CDH20: variants seen among roughly 807,000 people sequenced by gnomAD.
CDH20 encodes the protein cadherin-20.
Under a neutral mutation model 74.2 loss-of-function variants are expected in CDH20, and 29 were observed. The observed-to-expected ratio is 0.39, with a 90% CI of 0.29 to 0.53. The LOEUF (loss-of-function observed/expected upper bound fraction) is 0.53. Among genes scored for constraint, CDH20 ranks in the 20% least tolerant of loss-of-function variants. The pLI, the probability that CDH20 is intolerant of heterozygous loss-of-function variation, is 0.69. For synonymous variants in CDH20, 469 were observed against 405.4 expected, an observed-to-expected ratio of 1.16 and a Z score of -1.88; for missense variants, 988 against 1,048.3, an observed-to-expected ratio of 0.94 and a Z score of 0.79.
intron 1 of CDH20, among the ~76,000 whole-genome samples, chr18:61,448,556 T>C (rs1909275742): frequency 6.6e-6 from 1 of 152,208 alleles, no homozygotes; most frequent in African/African-American, 2.4e-5. Context: ...AGTTGTTATT[T>C]ATTTAATAAT....
intron 1 of CDH20, among the ~76,000 whole-genome samples, chr18:61,475,115 G>T (rs886936041): frequency 1.3e-5 from 2 of 152,146 alleles, no homozygotes; most frequent in African/African-American, 4.8e-5. Context: ...GCAGATAACA[G>T]GATAGATGAG....
intron 1 of CDH20, among the ~76,000 whole-genome samples, chr18:61,475,884 T>C (rs908546656): frequency 6.6e-6 from 1 of 152,166 alleles, no homozygotes; most frequent in Non-Finnish European, 1.5e-5. Context: ...TGACTAAACT[T>C]GTTCTGTTTT....
At chr18:61,378,908 G>A (rs1380760381) in intron 1 of CDH20, among the ~76,000 whole-genome samples, 2 of 151,790 alleles carry the variant, frequency 1.3e-5, no homozygotes, top group African/African-American at 4.8e-5. Flanking sequence ...TTGTTTGCCA[G>A]GAATAGAATA....
intron 8 of CDH20, among the ~76,000 whole-genome samples, chr18:61,537,725 C>A (rs1912859485): frequency 6.6e-6 from 1 of 152,026 alleles, no homozygotes; most frequent in African/African-American, 2.4e-5. Context: ...CTGGAATTTT[C>A]ATTATTCCTT....
At chr18:61,532,783 C>T (rs1375674893) in intron 7 of CDH20, among the ~76,000 whole-genome samples, 1 of 152,126 alleles carries the variant, frequency 6.6e-6, no homozygotes, top group East Asian at 1.9e-4. Flanking sequence ...TCCGTCTCTA[C>T]AACGTTAAGA....
At chr18:61,423,187 C>T (rs1367897094) in intron 1 of CDH20, among the ~76,000 whole-genome samples, 2 of 152,154 alleles carry the variant, frequency 1.3e-5, no homozygotes, top group Non-Finnish European at 2.9e-5. Flanking sequence ...TGGTCAGTAG[C>T]GTCAGATCAG....
At chr18:61,459,055 A>T (rs1909678563) in intron 1 of CDH20, among the ~76,000 whole-genome samples, 1 of 152,200 alleles carries the variant, frequency 6.6e-6, no homozygotes, top group Admixed American at 6.6e-5. Flanking sequence ...TCCTAAGTGG[A>T]ACATTATATC....
Position 61,554,178 on chromosome 18 carries a change from T to C in CDH20, c.1901-12T>C, listed in dbSNP as rs754047385. The C allele has an allele frequency of 3.1e-6, 5 of 1,601,226 alleles. No individual in the cohort carries two copies. The highest frequency in any genetic ancestry group is 2.2e-5 in the East Asian group (1 of 44,618). The stretch of plus-strand genomic sequence containing the variant: ...TCCTCGGTAAACACACTCTCCTTTT[T>C]GTTCCTGGCAGTGCTGGTGTTGCTC... On this transcript the variant is annotated splice_polypyrimidine_tract_variant and intron_variant, in intron 11 of 11. Transcript: ENST00000262717.
rs767575279 is a variant in CDH20, at chr18:61,540,251, G to T, written c.1530+1106G>T. On this transcript the variant is annotated intron_variant, in intron 9 of 11. Coordinates refer to ENST00000262717, the MANE Select transcript of CDH20 (RefSeq NM_031891.4). The stretch of plus-strand genomic sequence containing the variant: ...TGGTGCTGGATCAATGGGCTGGAAT[G>T]GTTTTAACATGAAAGCTGGGGAAGC... Among the ~76,000 whole-genome samples, 76 of 152,176 alleles carry T rather than the reference G, an allele frequency of 5.0e-4. 2 individuals are homozygous for T. The highest frequency in any genetic ancestry group is 1.5e-4 in the Non-Finnish European group (10 of 68,030).
At chr18:61,468,683 C>G (rs1305739632) in intron 1 of CDH20, among the ~76,000 whole-genome samples, 1 of 152,102 alleles carries the variant, frequency 6.6e-6, no homozygotes, top group South Asian at 2.1e-4. Flanking sequence ...CCAGGGAACT[C>G]GCCTTACTGT....
chr18:61,515,594 C>T (rs945228076), intron 6 of CDH20, among the ~76,000 whole-genome samples: 1 of 151,572 alleles, frequency 6.6e-6, no homozygotes, highest in African/African-American at 2.4e-5. Flanking sequence ...GAATACTATG[C>T]AGCCATAAAA....
Position 61,490,526 on chromosome 18 carries a change from C to T in CDH20, c.-28C>T, listed in dbSNP as rs903146581. ...CAAGTTCCAGTTGCTTATCATTCTC[C>T]TTCATTTTCTGAAAACCTGGCAATC... On this transcript the variant is annotated 5_prime_UTR_variant, in exon 2 of 12. Transcript: ENST00000262717. The T allele has an allele frequency of 1.9e-6, 3 of 1,606,734 alleles. No individual in the cohort carries two copies. Among genetic ancestry groups the T allele is most frequent in the Non-Finnish European group, 2.6e-6 (3 of 1,174,176 alleles).
chr18:61,406,434 G>A lies in CDH20; in HGVS notation c.-153+72607G>A, dbSNP rs934139290. Among the ~76,000 whole-genome samples the A allele has an allele frequency of 2.6e-5, 4 of 152,332 alleles. No homozygotes were observed. The East Asian group carries it at 5.8e-4, about 22-fold the overall frequency. The stretch of plus-strand genomic sequence containing the variant: ...GCCAGGCACTGTTCTAGGTATGAAG[G>A]CTTCAGCCATAAACAAGACAGATGG... On this transcript the variant is annotated intron_variant, in intron 1 of 11. Coordinates refer to ENST00000262717, the MANE Select transcript of CDH20 (RefSeq NM_031891.4).
At chr18:61,478,780 C>T (rs1038972932) in intron 1 of CDH20, among the ~76,000 whole-genome samples, 15 of 151,918 alleles carry the variant, frequency 9.9e-5, no homozygotes, top group African/African-American at 2.7e-4. Context: ...CAATAAAGAA[C>T]GGGGGAAGTA....
chr18:61,434,937 G>T (rs183682605), intron 1 of CDH20, among the ~76,000 whole-genome samples: 1 of 152,178 alleles, frequency 6.6e-6, no homozygotes, highest in African/African-American at 2.4e-5. Context: ...AAAACACATA[G>T]TTCCTAGAGT....
At chr18:61,530,701 T>C (rs1364016555) in intron 7 of CDH20, among the ~76,000 whole-genome samples, 1 of 152,210 alleles carries the variant, frequency 6.6e-6, no homozygotes, top group Non-Finnish European at 1.5e-5. Flanking sequence ...AAAGACAATG[T>C]TTGGATCCCC....
chr18:61,425,454 C>T (rs1913039802), intron 1 of CDH20, among the ~76,000 whole-genome samples: 1 of 152,236 alleles, frequency 6.6e-6, no homozygotes, highest in South Asian at 2.1e-4. Flanking sequence ...GCCTCTCTCA[C>T]TGCCCCTCAG....
intron 6 of CDH20, among the ~76,000 whole-genome samples, chr18:61,510,622 G>A (rs913260746): frequency 3.3e-5 from 5 of 152,116 alleles, no homozygotes; most frequent in African/African-American, 4.8e-5. Context: ...TCACAGCAAA[G>A]GAACAGAATC....
Position 61,469,617 on chromosome 18 carries a change from A to G in CDH20, c.-152-20785A>G, listed in dbSNP as rs558082378. On this transcript the variant is annotated intron_variant, in intron 1 of 11. Transcript: ENST00000262717. ...TCAAGCAAATCCAACACAATATCTC[A>G]TTAAGGAAAGATTTCTAGCAGGGAG... Among the ~76,000 whole-genome samples, 95 of 152,040 alleles carry G rather than the reference A, an allele frequency of 6.2e-4. 1 individual carries two copies. In the Middle Eastern group the frequency reaches 0.01, roughly 16 times the overall value.
Sources: allele counts gnomAD v4.1 joint callset (sites outside exome capture counted in the v4.1 genomes callset), GRCh38; gene constraint gnomAD v4.1.1; transcripts MANE v1.5; gene names NCBI Gene and HGNC (gene_info 2026-07-23, HGNC 2026-07-21).